HAO1: variants seen among roughly 807,000 people sequenced by gnomAD.
The protein encoded by HAO1 is 2-Hydroxyacid oxidase 1.
In HAO1, 34 loss-of-function variants were observed where a neutral mutation model predicts 39.7. The ratio of observed to expected loss-of-function variants is 0.86; its 90% CI spans 0.65 to 1.14. The LOEUF (loss-of-function observed/expected upper bound fraction) is 1.14, where lower values mean the gene tolerates loss of function less well. HAO1 is among the 50% of genes most tolerant of loss of function. The pLI is 0.00. For synonymous variants in HAO1, 172 were observed against 173.2 expected (o/e 0.99, Z 0.05); for missense variants, 479 against 464.5 (o/e 1.03, Z -0.29).
intron 5 of HAO1, among the ~76,000 whole-genome samples, chr20:7,892,396 A>G (rs535833489): frequency 6.6e-6 from 1 of 152,290 alleles, no homozygotes; most frequent in South Asian, 2.1e-4. Flanking sequence ...TAATCCTACA[A>G]TATACAAAGA....
At chr20:7,936,503 C>CGTGT (rs71183082) in intron 1 of HAO1, among the ~76,000 whole-genome samples, 8,932 of 109,110 alleles carry the variant, frequency 0.082, 510 homozygotes, top group Admixed American at 0.12. Context: ...GGGCAGCAGC[C>CGTGT]GTGTGTGTGT....
chr20:7,899,016 C>T (rs1432452912), intron 4 of HAO1, among the ~76,000 whole-genome samples: 1 of 151,570 alleles, frequency 6.6e-6, no homozygotes, highest in African/African-American at 2.4e-5. Context: ...ATTGAGCATA[C>T]GTATAGCTCT....
chr20:7,909,383 A>ATGTG (rs58387643), intron 3 of HAO1, among the ~76,000 whole-genome samples: 2 of 124,818 alleles, frequency 1.6e-5, no homozygotes, highest in Non-Finnish European at 1.6e-5. Context: ...ATATATGTAT[A>ATGTG]TATATATATA....
intron 2 of HAO1, among the ~76,000 whole-genome samples, chr20:7,926,276 T>C (rs2050358912): frequency 6.6e-6 from 1 of 152,120 alleles, no homozygotes; most frequent in South Asian, 2.1e-4. Context: ...AGGCCTATTG[T>C]AAGGATTAAT....
intron 5 of HAO1, among the ~76,000 whole-genome samples, chr20:7,891,956 G>T (rs578242752): frequency 3.4e-4 from 52 of 152,272 alleles, no homozygotes; most frequent in African/African-American, 1.3e-3. Context: ...CTCAGAGGAG[G>T]TCTTCACTTT....
intron 5 of HAO1, among the ~76,000 whole-genome samples, chr20:7,890,645 T>A (rs1255810471): frequency 2.6e-5 from 4 of 152,164 alleles, no homozygotes; most frequent in Non-Finnish European, 5.9e-5. Context: ...GGTGCACCCA[T>A]CACCTAAGCA....
chr20:7,883,293 G>T lies in HAO1; in HGVS notation c.*300C>A, dbSNP rs2050135533. On this transcript the variant is annotated 3_prime_UTR_variant, in exon 8 of 8. Coordinates refer to ENST00000378789, the MANE Select transcript of HAO1 (RefSeq NM_017545.3). The stretch of plus-strand genomic sequence containing the variant: ...GTTTGCTACCTCCAATTTTACTAAA[G>T]GATACAGCACTTTAGCCTGCCAGGG... The T allele has an allele frequency of 2.7e-6, 1 of 373,896 alleles. No individual in the cohort carries two copies. The highest frequency in any genetic ancestry group is 3.9e-5 in the Admixed American group (1 of 25,894). 23.2% of individuals were successfully genotyped at this position (373,896 alleles called of 1,614,324 possible).
chr20:7,885,456 C>T, intron 7 of HAO1, 65 bp downstream of exon 7: 1 of 1,032,032 alleles, frequency 9.7e-7, no homozygotes, highest in South Asian at 1.3e-5. Flanking sequence ...TCACTTCTCT[C>T]CACCAAGGAC....
At chr20:7,931,165 T>C (rs1015836387) in intron 2 of HAO1, among the ~76,000 whole-genome samples, 1 of 152,182 alleles carries the variant, frequency 6.6e-6, no homozygotes, top group Non-Finnish European at 1.5e-5. Context: ...CCTATGTTTT[T>C]GAGGGCAACA....
At chr20:7,885,182 T>C (rs1039217551) in intron 7 of HAO1, among the ~76,000 whole-genome samples, 2 of 152,172 alleles carry the variant, frequency 1.3e-5, no homozygotes, top group Non-Finnish European at 2.9e-5. Flanking sequence ...AGGTAAGAGT[T>C]TGGGATGCCA....
At chr20:7,883,976 G>A (rs1478473376) in intron 7 of HAO1, among the ~76,000 whole-genome samples, 1 of 152,180 alleles carries the variant, frequency 6.6e-6, no homozygotes, top group Non-Finnish European at 1.5e-5. Context: ...TCACAGAATG[G>A]CATTCTTCTT....
At chr20:7,929,682 G>A (rs2050377313) in intron 2 of HAO1, among the ~76,000 whole-genome samples, 1 of 152,088 alleles carries the variant, frequency 6.6e-6, no homozygotes, top group Admixed American at 6.5e-5. Context: ...TGGCCAACAT[G>A]GTGAAACCCT....
chr20:7,902,297 G>A (rs2050224395), intron 4 of HAO1, among the ~76,000 whole-genome samples: 1 of 152,106 alleles, frequency 6.6e-6, no homozygotes, highest in African/African-American at 2.4e-5. Context: ...AAACTTCATT[G>A]TCTTATTTTA....
At chr20:7,937,861 A>T (rs2050420519) in intron 1 of HAO1, among the ~76,000 whole-genome samples, 1 of 152,150 alleles carries the variant, frequency 6.6e-6, no homozygotes, top group African/African-American at 2.4e-5. Context: ...TTGTCCTTTT[A>T]AACATTTTTT....
rs2050136003 is a variant in HAO1, at chr20:7,883,361, A to T, written c.*232T>A. Reference sequence around the variant, plus strand: ...ACATTTTCAATGTTTTCTTTTTAACAGTTAATATATTTCCAGGATGAAAGT... The same window carrying T: ...ACATTTTCAATGTTTTCTTTTTAACTGTTAATATATTTCCAGGATGAAAGT... On this transcript the variant is annotated 3_prime_UTR_variant, in exon 8 of 8. Coordinates refer to ENST00000378789, the MANE Select transcript of HAO1 (RefSeq NM_017545.3). 1.8e-6 allele frequency: 1 copy of T among 542,258 alleles called. No homozygotes were observed. The highest frequency in any genetic ancestry group is 1.9e-5 in the African/African-American group (1 of 52,998). 33.6% of individuals were successfully genotyped at this position (542,258 alleles called of 1,614,324 possible).
At chr20:7,914,062 A>T in intron 3 of HAO1, 102 bp downstream of exon 3, 1 of 1,240,880 alleles carries the variant, frequency 8.1e-7, no homozygotes, top group Non-Finnish European at 1.2e-6. Flanking sequence ...GCTGAAGATT[A>T]ACTAGATGTT....
chr20:7,915,134 AT>A (rs35974266), intron 2 of HAO1, among the ~76,000 whole-genome samples: 11,358 of 152,192 alleles, frequency 0.075, 542 homozygotes, highest in East Asian at 0.2. Flanking sequence ...AAAAAATAAT[AT>A]TATTATGATA....
intron 2 of HAO1, among the ~76,000 whole-genome samples, chr20:7,926,896 G>C (rs1367011049): frequency 1.3e-5 from 2 of 150,778 alleles, no homozygotes. Context: ...ATAAGAATTT[G>C]CTAATATGCT....
chr20:7,930,506 C>A (rs1032701403), intron 2 of HAO1, among the ~76,000 whole-genome samples: 5 of 152,010 alleles, frequency 3.3e-5, no homozygotes, highest in African/African-American at 1.2e-4. Flanking sequence ...TTCAAGAAGC[C>A]AAAAATGACA....
Sources: gnomAD v4.1 joint callset for allele counts (sites outside exome capture counted in the v4.1 genomes callset) on GRCh38, gnomAD v4.1.1 for gene constraint, MANE v1.5 for transcripts, NCBI Gene and HGNC (gene_info 2026-07-23, HGNC 2026-07-21) for gene names.